ZNF182: variants seen among roughly 807,000 people sequenced by gnomAD.
The protein encoded by ZNF182 is zinc finger protein 182.
Under a neutral mutation model 28.1 loss-of-function variants are expected in ZNF182, and 10 were observed. The observed-to-expected ratio is 0.36, with a 90% CI of 0.22 to 0.60. The LOEUF (loss-of-function observed/expected upper bound fraction) is 0.60. Among genes scored for constraint, ZNF182 ranks in the 20% least tolerant of loss-of-function variants. ZNF182 has a pLI of 0.75. For missense variants in ZNF182, 352 were observed against 453.2 expected, an observed-to-expected ratio of 0.78 and a Z score of 2.03; for synonymous variants, 156 against 158.7, an observed-to-expected ratio of 0.98 and a Z score of 0.13.
chrX:48,003,621 GGA>G lies in ZNF182; in HGVS notation c.-160_-159del, dbSNP rs1229600782. 2 of 112,232 alleles carry G rather than the reference GGA, an allele frequency of 1.8e-5. No homozygotes were observed. Among genetic ancestry groups the G allele is most frequent in the African/African-American group, 6.5e-5 (2 of 30,857 alleles). The allele number at this position is 112,232 out of a possible 1,213,427, so 9.2% of individuals were successfully genotyped here. ...CCCCCACCTCGGGGCTTGGGCAAGG[GGA>G]GAGGGCAGAGGGAGAAGCGGGGCGC... On this transcript the variant is annotated 5_prime_UTR_variant, in exon 2 of 6. Transcript: ENST00000376943.
At position 47,976,918 on chromosome X, in the gene ZNF182, A is replaced by C; in HGVS notation, c.1112T>G (p.Ile371Ser). 4 of 1,210,066 alleles carry C rather than the reference A, an allele frequency of 3.3e-6. No homozygotes were observed. Among genetic ancestry groups the C allele is most frequent in the Non-Finnish European group, 4.5e-6 (4 of 895,025 alleles). The stretch of plus-strand genomic sequence containing the variant: ...TCCCGTATGAGTTCTCTGGTGTATA[A>C]TGAGAGTTGACTTATCACTGAAAGT... ...KKTFSDKSTL[I>S]IHQRTHTGEK... The change falls in exon 6 of 6, where the codon ATT (isoleucine) becomes AGT (serine). Residue 371 changes from isoleucine to serine, a missense_variant. By Grantham distance (142) the Ile-to-Ser change is moderately radical. Transcript: ENST00000376943.
Position 47,976,077 on chromosome X carries a change from A to T in ZNF182, c.*90T>A. On this transcript the variant is annotated 3_prime_UTR_variant, in exon 6 of 6. Coordinates refer to ENST00000376943, the MANE Select transcript of ZNF182 (RefSeq NM_001007088.2). Reference sequence around the variant, plus strand: ...AAAGGCTGAATTTACTCCCATATTTAAACCACAAGTCAAAATATACTTTTA... The same window carrying T: ...AAAGGCTGAATTTACTCCCATATTTTAACCACAAGTCAAAATATACTTTTA... The T allele has an allele frequency of 1.1e-6, 1 of 939,608 alleles. No individual in the cohort carries two copies. The highest frequency in any genetic ancestry group is 1.4e-6 in the Non-Finnish European group (1 of 705,427). The allele number at this position is 939,608 out of a possible 1,213,427, so 77.4% of individuals were successfully genotyped here. A position where few individuals can be genotyped will look rare whatever the true frequency, so the allele number is the denominator to read the frequency against.
chrX:47,985,030 A>G (rs960132607), intron 3 of ZNF182, among the ~76,000 whole-genome samples: 1 of 111,694 alleles, frequency 9.0e-6, no homozygotes, highest in Non-Finnish European at 1.9e-5. Context: ...AGCAGGAATG[A>G]ATATGTATGT....
At chrX:47,986,738 G>A (rs1242353160) in intron 3 of ZNF182, among the ~76,000 whole-genome samples, 2 of 111,666 alleles carry the variant, frequency 1.8e-5, no homozygotes, top group Non-Finnish European at 3.8e-5. Flanking sequence ...GTCTGGGTGG[G>A]TACCATCTAA....
At chrX:47,993,495 T>C (rs1275537790) in intron 3 of ZNF182, among the ~76,000 whole-genome samples, 7 of 111,577 alleles carry the variant, frequency 6.3e-5, no homozygotes, top group Middle Eastern at 9.2e-3. Flanking sequence ...GAAGTGGAGG[T>C]AGTCTTGTGG....
intron 3 of ZNF182, chrX:47,988,499 C>A (rs1556900041): frequency 1.9e-5 from 9 of 477,218 alleles, no homozygotes; most frequent in Admixed American, 1.4e-4. Context: ...CCCACTCTTG[C>A]TCCCACTCTT....
intron 3 of ZNF182, among the ~76,000 whole-genome samples, chrX:47,987,678 G>A (rs1359398451): frequency 1.8e-5 from 2 of 112,241 alleles, no homozygotes; most frequent in Non-Finnish European, 3.8e-5. Context: ...TGGTGTATGT[G>A]TGTACACATA....
chrX:47,983,482 T>C, intron 3 of ZNF182, 71 bp from the exon 4 acceptor site: 2 of 1,066,052 alleles, frequency 1.9e-6, no homozygotes, highest in Non-Finnish European at 2.5e-6. Context: ...CACGGGAACT[T>C]CTGATTGGGT....
chrX:47,994,185 A>C (rs974154439), intron 3 of ZNF182, among the ~76,000 whole-genome samples: 10 of 112,427 alleles, frequency 8.9e-5, no homozygotes, highest in Admixed American at 1.9e-4. Context: ...ACAACAACAA[A>C]AAAACAATTT....
chrX:48,000,990 T>C (rs1413107147), intron 3 of ZNF182, among the ~76,000 whole-genome samples: 2 of 111,985 alleles, frequency 1.8e-5, no homozygotes, highest in Non-Finnish European at 3.8e-5. Flanking sequence ...ATTAAGGAAA[T>C]GCAAATTAAA....
intron 2 of ZNF182, among the ~76,000 whole-genome samples, chrX:48,002,976 T>C (rs2058983585): frequency 8.9e-6 from 1 of 112,312 alleles, no homozygotes; most frequent in African/African-American, 3.2e-5. Context: ...TTGATTTCAA[T>C]AATGCCAAAC....
At position 47,976,165 on chromosome X, in the gene ZNF182, C is replaced by T; in HGVS notation, c.*2G>A. 1 of 1,143,494 alleles carries T rather than the reference C, an allele frequency of 8.7e-7. No individual in the cohort carries two copies. The highest frequency in any genetic ancestry group is 2.2e-5 in the South Asian group (1 of 45,586). 94.2% of individuals were successfully genotyped at this position (1,143,494 alleles called of 1,213,427 possible). On this transcript the variant is annotated 3_prime_UTR_variant, in exon 6 of 6. Coordinates refer to ENST00000376943, the MANE Select transcript of ZNF182 (RefSeq NM_001007088.2). ...CCATAATAGATACTGCTGATTAGCT[C>T]TCTAATGTGCCATGAACTTTGACTT...
intron 2 of ZNF182, 118 bp from the exon 3 acceptor site, chrX:48,002,771 G>C: frequency 1.8e-6 from 1 of 552,524 alleles, no homozygotes; most frequent in Non-Finnish European, 3.0e-6. Flanking sequence ...CTCTCTGGAA[G>C]AGTCTGGGCA....
At chrX:47,998,563 G>A (rs5953139) in intron 3 of ZNF182, among the ~76,000 whole-genome samples, 2,758 of 112,256 alleles carry the variant, frequency 0.025, 29 homozygotes, top group Middle Eastern at 0.069. Context: ...AGCTAAAGAC[G>A]TGCTTAGAGG....
At chrX:47,984,338 G>T in intron 3 of ZNF182, among the ~76,000 whole-genome samples, 1 of 111,501 alleles carries the variant, frequency 9.0e-6, no homozygotes, top group East Asian at 2.8e-4. Flanking sequence ...TGGTATAATC[G>T]CTTTGGTAAC....
chrX:47,982,417 A>G (rs2058909053), intron 5 of ZNF182, among the ~76,000 whole-genome samples: 2 of 112,262 alleles, frequency 1.8e-5, no homozygotes, highest in South Asian at 7.3e-4. Flanking sequence ...CTGTGAATAT[A>G]CTAAAAACTA....
chrX:47,993,090 A>G (rs2058947334), intron 3 of ZNF182, among the ~76,000 whole-genome samples: 1 of 113,172 alleles, frequency 8.8e-6, no homozygotes, highest in African/African-American at 3.2e-5. Context: ...CCAGACCTCT[A>G]GGGAGGGAAC....
At chrX:47,989,332 C>T (rs905527980) in intron 3 of ZNF182, among the ~76,000 whole-genome samples, 4 of 109,117 alleles carry the variant, frequency 3.7e-5, no homozygotes, top group African/African-American at 1.3e-4. Context: ...GAGGCTAAGG[C>T]ACAAGAATCT....
At position 47,975,300 on chromosome X, in the gene ZNF182, C is replaced by T. The variant is rs142479471; in HGVS notation, c.*867G>A. The stretch of plus-strand genomic sequence containing the variant: ...GCTTCCAATCTTTTGTTTTCACAAA[C>T]GCTGCATTAATGAATACTGTATGTT... On this transcript the variant is annotated 3_prime_UTR_variant, in exon 6 of 6. Transcript: ENST00000376943. The T allele has an allele frequency of 0.07, 2,760 of 39,441 alleles. 29 individuals are homozygous for T. The highest frequency in any genetic ancestry group is 0.16 in the Middle Eastern group (15 of 96). 3.3% of individuals were successfully genotyped at this position (39,441 alleles called of 1,213,427 possible).
Sources: gnomAD v4.1 joint callset for allele counts (sites outside exome capture counted in the v4.1 genomes callset) on GRCh38, gnomAD v4.1.1 for gene constraint, MANE v1.5 for transcripts, NCBI Gene and HGNC (gene_info 2026-07-23, HGNC 2026-07-21) for gene names.